Variants in STPG2 observed in about 807,000 individuals in gnomAD.
STPG2 encodes the protein sperm tail PG-rich repeat containing 2.
In STPG2, 56 loss-of-function variants were observed where a neutral mutation model predicts 54.2. That is an observed-to-expected ratio of 1.03 (90% CI 0.83 to 1.29). The LOEUF (loss-of-function observed/expected upper bound fraction) is 1.29, where lower values mean the gene tolerates loss of function less well. Among genes scored for constraint, STPG2 ranks in the 50% most tolerant of loss-of-function variants. The pLI is 0.00. For missense variants in STPG2, 596 were observed against 544.9 expected (o/e 1.09, Z -0.93); for synonymous variants, 200 against 181.8 (o/e 1.10, Z -0.81).
intron 8 of STPG2, among the ~76,000 whole-genome samples, chr4:97,919,505 A>G (rs1732015225): frequency 6.6e-6 from 1 of 151,922 alleles, no homozygotes; most frequent in Non-Finnish European, 1.5e-5. Flanking sequence ...ACTTAACTAT[A>G]GTTTTCATAA....
chr4:97,745,063 C>T (rs937473226), intron 9 of STPG2, among the ~76,000 whole-genome samples: 1 of 150,960 alleles, frequency 6.6e-6, no homozygotes, highest in African/African-American at 2.4e-5. Context: ...TATAAAATTG[C>T]CTATTTGGTC....
rs115646547 is a variant in STPG2 at position 97,723,893 on chromosome 4, C to A, written c.1205-11079G>T. ...GGAAACTGTTCCCATGATCCAATCA[C>A]CTCCAACCAGGTCCCTCCCTCAACA... On this transcript the variant is annotated intron_variant, in intron 9 of 10. Transcript: ENST00000295268. Among the ~76,000 whole-genome samples the A allele has an allele frequency of 2.7e-3, 411 of 152,268 alleles. 3 individuals carry two copies. Among genetic ancestry groups the A allele is most frequent in the African/African-American group, 9.1e-3 (376 of 41,544 alleles).
intron 10 of STPG2, among the ~76,000 whole-genome samples, chr4:97,608,903 T>A (rs183484853): frequency 1.3e-5 from 2 of 152,200 alleles, no homozygotes; most frequent in East Asian, 3.9e-4. Flanking sequence ...TACCAGATTC[T>A]CAGCTCCCTG....
At chr4:97,531,783 T>A (rs1731420045) in intron 4 of STPG2, among the ~76,000 whole-genome samples, 1 of 152,152 alleles carries the variant, frequency 6.6e-6, no homozygotes, top group African/African-American at 2.4e-5. Flanking sequence ...GAGTAATATG[T>A]GCTATTTGAT....
At chr4:98,114,761 TTTTTTG>T (rs1187827599) in intron 3 of STPG2, among the ~76,000 whole-genome samples, 1 of 103,864 alleles carries the variant, frequency 9.6e-6, no homozygotes, top group Admixed American at 9.2e-5. Context: ...CCATTTTTTT[TTTTTTG>T]TGTGTGTGTG....
At chr4:97,682,749 TG>T in intron 10 of STPG2, among the ~76,000 whole-genome samples, 1 of 151,984 alleles carries the variant, frequency 6.6e-6, no homozygotes, top group South Asian at 2.1e-4. Flanking sequence ...TTAAGTAACT[TG>T]TCTAAAGTCA....
chr4:97,883,206 TAC>T (rs1730443629), intron 8 of STPG2, among the ~76,000 whole-genome samples: 1 of 151,320 alleles, frequency 6.6e-6, no homozygotes, highest in Admixed American at 6.6e-5. Context: ...AATATACATA[TAC>T]ACACATACAT....
chr4:97,635,856 C>G (rs973510715), intron 10 of STPG2, among the ~76,000 whole-genome samples: 2 of 151,840 alleles, frequency 1.3e-5, no homozygotes, highest in Admixed American at 1.3e-4. Flanking sequence ...CCTGAGTGAC[C>G]GACAAAGAGA....
At chr4:97,946,059 A>C (rs1733204605) in intron 7 of STPG2, among the ~76,000 whole-genome samples, 2 of 152,106 alleles carry the variant, frequency 1.3e-5, no homozygotes, top group South Asian at 4.1e-4. Context: ...ACCCTGTCTC[A>C]AAAAAATAAT....
intron 9 of STPG2, among the ~76,000 whole-genome samples, chr4:97,760,540 A>C (rs1340756580): frequency 6.6e-6 from 1 of 152,206 alleles, no homozygotes; most frequent in African/African-American, 2.4e-5. Context: ...ATAGTCTTTA[A>C]AATTCCATCC....
At chr4:97,779,264 C>T (rs1458379777) in intron 9 of STPG2, among the ~76,000 whole-genome samples, 1 of 152,090 alleles carries the variant, frequency 6.6e-6, no homozygotes, top group Non-Finnish European at 1.5e-5. Context: ...AAAGCCATGG[C>T]ATGAGAACTA....
intron 9 of STPG2, among the ~76,000 whole-genome samples, chr4:97,792,729 G>A (rs1300673391): frequency 6.6e-6 from 1 of 152,080 alleles, no homozygotes; most frequent in African/African-American, 2.4e-5. Context: ...CCTTTCTGTT[G>A]TAACTTTACT....
intron 8 of STPG2, among the ~76,000 whole-genome samples, chr4:97,919,126 T>C (rs911529807): frequency 1.3e-5 from 2 of 151,840 alleles, no homozygotes; most frequent in Admixed American, 1.3e-4. Context: ...AAAACAAACA[T>C]GAATTAAAAA....
chr4:98,092,039 A>G (rs1738709756), intron 5 of STPG2, among the ~76,000 whole-genome samples: 1 of 152,112 alleles, frequency 6.6e-6, no homozygotes. Flanking sequence ...TTTGGTATAT[A>G]AAACTCACTC....
At chr4:97,783,837 A>G (rs1482505170) in intron 9 of STPG2, among the ~76,000 whole-genome samples, 1 of 151,292 alleles carries the variant, frequency 6.6e-6, no homozygotes, top group African/African-American at 2.4e-5. Flanking sequence ...AAAACCAAAC[A>G]CCGCATGTTC....
intron 5 of STPG2, among the ~76,000 whole-genome samples, chr4:98,095,892 C>G (rs1738843467): frequency 6.6e-6 from 1 of 152,064 alleles, no homozygotes; most frequent in Admixed American, 6.5e-5. Flanking sequence ...AGATCATTCT[C>G]AAGAATAGAC....
chr4:98,023,991 CAA>C (rs1736328550), intron 5 of STPG2, among the ~76,000 whole-genome samples: 1 of 152,164 alleles, frequency 6.6e-6, no homozygotes, highest in Non-Finnish European at 1.5e-5. Flanking sequence ...CCGAGTGAGG[CAA>C]TGCCTCACCC....
chr4:98,069,554 A>T (rs1737939108), intron 5 of STPG2, among the ~76,000 whole-genome samples: 1 of 152,012 alleles, frequency 6.6e-6, no homozygotes, highest in African/African-American at 2.4e-5. Flanking sequence ...AGCTAAAAAA[A>T]GCATGAAAAA....
intron 9 of STPG2, among the ~76,000 whole-genome samples, chr4:97,807,560 T>A (rs904767164): frequency 1.3e-5 from 2 of 151,732 alleles, no homozygotes; most frequent in Admixed American, 6.6e-5. Context: ...CAGCAGATTA[T>A]ACACAGAAGA....
Sources: gnomAD v4.1 joint callset for allele counts (sites outside exome capture counted in the v4.1 genomes callset) on GRCh38, gnomAD v4.1.1 for gene constraint, MANE v1.5 for transcripts, NCBI Gene and HGNC (gene_info 2026-07-23, HGNC 2026-07-21) for gene names.